The following RGSL1 variants were observed in gnomAD, a reference collection of about 807,000 sequenced individuals.
The protein encoded by RGSL1 is regulator of G protein signaling protein-like.
In RGSL1, 97 loss-of-function variants were observed where a neutral mutation model predicts 124.7. The ratio of observed to expected loss-of-function variants is 0.78; its 90% CI spans 0.66 to 0.92. The LOEUF (loss-of-function observed/expected upper bound fraction) is 0.92. RGSL1 is among the 40% of genes least tolerant of loss of function. The pLI, the probability that RGSL1 is intolerant of heterozygous loss-of-function variation, is 0.00. For synonymous variants in RGSL1, 424 were observed against 438.1 expected, an observed-to-expected ratio of 0.97 and a Z score of 0.40; for missense variants, 1,233 against 1,288.4, an observed-to-expected ratio of 0.96 and a Z score of 0.66.
intron 9 of RGSL1, among the ~76,000 whole-genome samples, chr1:182,520,244 C>T (rs1393773055): frequency 2.0e-5 from 3 of 152,164 alleles, no homozygotes; most frequent in Non-Finnish European, 1.5e-5. Flanking sequence ...AAAGCTAGTT[C>T]TCATTCCCTT....
intron 15 of RGSL1, among the ~76,000 whole-genome samples, chr1:182,547,677 T>C (rs1413007974): frequency 4.6e-5 from 7 of 151,970 alleles, no homozygotes; most frequent in Admixed American, 4.6e-4. Flanking sequence ...CTGGGTAACA[T>C]GGTGAAATCC....
At chr1:182,468,244 T>C (rs1257909726) in intron 4 of RGSL1, among the ~76,000 whole-genome samples, 1 of 152,250 alleles carries the variant, frequency 6.6e-6, no homozygotes, top group Non-Finnish European at 1.5e-5. Context: ...AAATACCATT[T>C]GACCCAGCCA....
chr1:182,450,622 G>A lies in RGSL1; in HGVS notation c.13+444G>A, dbSNP rs2101969211. 4 of 226,186 alleles carry A rather than the reference G, an allele frequency of 1.8e-5. No individual in the cohort carries two copies. In the South Asian group the frequency reaches 2.3e-4, roughly 13 times the overall value. 14.0% of individuals were successfully genotyped at this position (226,186 alleles called of 1,614,324 possible). ...TGGAGAAATGAGAGGATGAGGAAGG[G>A]AAGGATGTACAGAGCCTTGTCTCTA... On this transcript the variant is annotated intron_variant, in intron 1 of 21. Coordinates refer to ENST00000294854, the MANE Select transcript of RGSL1 (RefSeq NM_001137669.2).
chr1:182,536,355 T>C (rs1481058734), intron 14 of RGSL1, among the ~76,000 whole-genome samples: 1 of 152,196 alleles, frequency 6.6e-6, no homozygotes, highest in African/African-American at 2.4e-5. Flanking sequence ...TATGTTAAAC[T>C]TTATAAGGAA....
intron 4 of RGSL1, chr1:182,460,764 T>C (rs1652760245): frequency 4.4e-6 from 2 of 455,062 alleles, no homozygotes; most frequent in Non-Finnish European, 8.8e-6. Flanking sequence ...GATGTAAATA[T>C]TTTGAAACTC....
chr1:182,478,431 C>T (rs551659353), intron 6 of RGSL1, among the ~76,000 whole-genome samples: 2 of 152,226 alleles, frequency 1.3e-5, no homozygotes, highest in African/African-American at 4.8e-5. Flanking sequence ...CAATAAAGAG[C>T]TTCAACAGCA....
intron 2 of RGSL1, among the ~76,000 whole-genome samples, chr1:182,456,079 C>G (rs1439333047): frequency 1.3e-5 from 2 of 151,972 alleles, no homozygotes; most frequent in East Asian, 3.9e-4. Context: ...GTTAACAAAA[C>G]AAAATATAGG....
At chr1:182,487,684 G>A (rs1265335908) in intron 6 of RGSL1, among the ~76,000 whole-genome samples, 3 of 152,176 alleles carry the variant, frequency 2.0e-5, no homozygotes, top group African/African-American at 7.2e-5. Flanking sequence ...GCTCCTTATA[G>A]CGACACTTGC....
intron 10 of RGSL1, among the ~76,000 whole-genome samples, chr1:182,524,067 A>G (rs1487719546): frequency 6.6e-6 from 1 of 152,224 alleles, no homozygotes; most frequent in Non-Finnish European, 1.5e-5. Flanking sequence ...AAGACTTAAA[A>G]ATAGTCCAGT....
At position 182,548,809 on chromosome 1, in the gene RGSL1, T is replaced by G; in HGVS notation, c.2918T>G (p.Met973Arg). Residue 973 changes from methionine (M) to arginine (R), a missense_variant, in exon 17 of 22, where the codon ATG becomes AGG. Physicochemically the swap from Met to Arg is moderately conservative, Grantham distance 91 (BLOSUM62 -1). Coordinates refer to ENST00000294854, the MANE Select transcript of RGSL1 (RefSeq NM_001137669.2). Reference sequence around the variant, plus strand: ...ATCATGTCTGTCTTCCCCGTTGTTATGTACTTCTGGAAAAGGTAACTGTTT... The same window carrying G: ...ATCATGTCTGTCTTCCCCGTTGTTAGGTACTTCTGGAAAAGGTAACTGTTT... ...GAIMSVFPVV[M>R]YFWKRFCFWK... 1 of 1,551,676 alleles carries G rather than the reference T, an allele frequency of 6.4e-7. No homozygotes were observed. Among genetic ancestry groups the G allele is most frequent in the Non-Finnish European group, 8.7e-7 (1 of 1,146,974 alleles).
rs1368649190 is a variant in RGSL1, at chr1:182,535,334, C to A, written c.2494+2543C>A. ...ACTTTGATTCCCATTGGAACTTCCA[C>A]TCCATTAATCTTACTGATTTTCTTA... On this transcript the variant is annotated intron_variant, in intron 14 of 21. Transcript: ENST00000294854. Among the ~76,000 whole-genome samples, 2 of 152,182 alleles carry A rather than the reference C, an allele frequency of 1.3e-5. 1 individual carries two copies. Among genetic ancestry groups the A allele is most frequent in the Non-Finnish European group, 2.9e-5 (2 of 68,038 alleles).
intron 9 of RGSL1, among the ~76,000 whole-genome samples, chr1:182,511,561 T>C (rs147642674): frequency 2.6e-3 from 392 of 152,350 alleles, no homozygotes; most frequent in Middle Eastern, 0.01. Flanking sequence ...ATGAGTTGGC[T>C]GTAAAGGCAT....
intron 3 of RGSL1, 68 bp from the exon 4 acceptor site, chr1:182,459,936 C>CTAA: frequency 6.6e-7 from 1 of 1,515,864 alleles, no homozygotes; most frequent in Non-Finnish European, 8.9e-7. Context: ...TTGCCACTTA[C>CTAA]TAAGTTGTAT....
intron 4 of RGSL1, among the ~76,000 whole-genome samples, chr1:182,469,667 A>G (rs534838928): frequency 6.6e-6 from 1 of 152,338 alleles, no homozygotes; most frequent in South Asian, 2.1e-4. Flanking sequence ...ACCTCAAAAG[A>G]ATTGAAAGCA....
At chr1:182,471,346 A>G (rs1478037134) in intron 4 of RGSL1, 1 of 457,488 alleles carries the variant, frequency 2.2e-6, no homozygotes, top group Admixed American at 2.4e-5. Flanking sequence ...GCGGGGTCAG[A>G]GGGATGTGGC....
At chr1:182,533,862 A>G (rs1218138767) in intron 14 of RGSL1, among the ~76,000 whole-genome samples, 1 of 152,214 alleles carries the variant, frequency 6.6e-6, no homozygotes, top group African/African-American at 2.4e-5. Flanking sequence ...AGAAAATGAC[A>G]TAAAGTTGAG....
At chr1:182,460,364 G>A (rs1205764228) in intron 4 of RGSL1, among the ~76,000 whole-genome samples, 1 of 152,144 alleles carries the variant, frequency 6.6e-6, no homozygotes, top group Non-Finnish European at 1.5e-5. Flanking sequence ...TTTGGCAATA[G>A]GTAAACTCTT....
At chr1:182,467,499 C>A (rs570277229) in intron 4 of RGSL1, among the ~76,000 whole-genome samples, 7 of 152,124 alleles carry the variant, frequency 4.6e-5, no homozygotes, top group Admixed American at 3.3e-4. Flanking sequence ...ACAAACCTGA[C>A]AAAAACAAGA....
At chr1:182,479,646 A>G (rs896563913) in intron 6 of RGSL1, among the ~76,000 whole-genome samples, 2 of 152,210 alleles carry the variant, frequency 1.3e-5, no homozygotes, top group African/African-American at 4.8e-5. Flanking sequence ...TTACCTAACG[A>G]TAATTACTTT....
Sources: allele counts gnomAD v4.1 joint callset (sites outside exome capture counted in the v4.1 genomes callset), GRCh38; gene constraint gnomAD v4.1.1; transcripts MANE v1.5; gene names NCBI Gene and HGNC (gene_info 2026-07-23, HGNC 2026-07-21).